AFF3: variants seen among roughly 807,000 people sequenced by gnomAD.
The protein encoded by AFF3 is ALF transcription elongation factor 3, also known as AF4/FMR2 family member 3.
A neutral mutation model predicts 129.7 loss-of-function variants in AFF3; 32 were observed. The observed-to-expected ratio is 0.25, with a 90% CI of 0.19 to 0.33. The LOEUF (loss-of-function observed/expected upper bound fraction) is 0.33. AFF3 is among the 10% of genes least tolerant of loss of function. The pLI, the probability that AFF3 is intolerant of heterozygous loss-of-function variation, is 1.00. For synonymous variants in AFF3, 644 were observed against 635.4 expected, an observed-to-expected ratio of 1.01 and a Z score of -0.20; for missense variants, 1,373 against 1,592.0, an observed-to-expected ratio of 0.86 and a Z score of 2.34.
rs1674602339 is a variant in AFF3 at position 99,937,256 on chromosome 2, T to A, written c.873+69376A>T. On this transcript the variant is annotated intron_variant, in intron 7 of 24. Coordinates refer to ENST00000672756, the MANE Select transcript of AFF3 (RefSeq NM_001386135.1). ...GCATTCTGGATTTTGGATTTTCAGA[T>A]TTGGGATGCTCAACCTGGATAAGAG... Among the ~76,000 whole-genome samples, 3 of 152,096 alleles carry A rather than the reference T, an allele frequency of 2.0e-5. 1 individual carries two copies. Among genetic ancestry groups the A allele is most frequent in the Non-Finnish European group, 4.4e-5 (3 of 68,020 alleles).
At chr2:100,138,257 G>A (rs1489646738) in intron 1 of AFF3, among the ~76,000 whole-genome samples, 4 of 152,204 alleles carry the variant, frequency 2.6e-5, no homozygotes, top group African/African-American at 7.2e-5. Flanking sequence ...GGGCAAGCAT[G>A]TGATCTAAAC....
chr2:99,716,448 G>C (rs1395409122), intron 11 of AFF3, among the ~76,000 whole-genome samples: 2 of 152,094 alleles, frequency 1.3e-5, no homozygotes, highest in Non-Finnish European at 2.9e-5. Context: ...CTTTCTACTG[G>C]TAAAACAGGA....
chr2:99,999,680 T>C (rs939069258), intron 7 of AFF3, among the ~76,000 whole-genome samples: 8 of 152,204 alleles, frequency 5.3e-5, no homozygotes, highest in Admixed American at 2.6e-4. Flanking sequence ...CTGAGGGCTA[T>C]GTGCCAGCCA....
chr2:99,883,141 C>G (rs1692846077), intron 7 of AFF3, among the ~76,000 whole-genome samples: 1 of 152,092 alleles, frequency 6.6e-6, no homozygotes, highest in African/African-American at 2.4e-5. Context: ...CAACATGCAA[C>G]CCAGGGAAGG....
intron 2 of AFF3, chr2:100,106,942 A>C: frequency 1.1e-5 from 11 of 985,464 alleles, no homozygotes; most frequent in Non-Finnish European, 1.3e-5. Context: ...TCTCCCAAAA[A>C]GCCATGTAGT....
intron 11 of AFF3, among the ~76,000 whole-genome samples, chr2:99,688,193 ATTATAAT>A (rs1039168876): frequency 1.3e-5 from 2 of 152,038 alleles, no homozygotes; most frequent in Admixed American, 6.6e-5. Flanking sequence ...CTTGCTTTGG[ATTATAAT>A]CCAATACTAG....
At chr2:99,853,776 C>G (rs1576191862) in intron 7 of AFF3, among the ~76,000 whole-genome samples, 1 of 152,206 alleles carries the variant, frequency 6.6e-6, no homozygotes, top group African/African-American at 2.4e-5. Context: ...GATGTTTGTG[C>G]TGACTTCTCA....
At chr2:100,133,997 A>AAT (rs1389090545) in intron 1 of AFF3, among the ~76,000 whole-genome samples, 3 of 152,128 alleles carry the variant, frequency 2.0e-5, no homozygotes, top group African/African-American at 7.2e-5. Flanking sequence ...TTTCAAAAGA[A>AAT]ATATATATCA....
intron 7 of AFF3, among the ~76,000 whole-genome samples, chr2:99,925,080 G>T (rs898685698): frequency 6.6e-6 from 1 of 151,880 alleles, no homozygotes; most frequent in African/African-American, 2.4e-5. Flanking sequence ...GTCTTACTAT[G>T]TTGCCTAGGA....
intron 8 of AFF3, among the ~76,000 whole-genome samples, chr2:99,758,385 G>C (rs920145287): frequency 6.6e-6 from 1 of 152,110 alleles, no homozygotes; most frequent in African/African-American, 2.4e-5. Context: ...TAGGAGTTGG[G>C]AGACCAGCTT....
rs181055028 is a variant in AFF3, at chr2:99,736,888, G to A, written c.1039+7216C>T. On this transcript the variant is annotated intron_variant, in intron 10 of 24. Transcript: ENST00000672756. ...GTCTCCCAAACTGCTGGGATTACAGGCGTGAGCCACCACGCCCGGCCTTTA... is the reference window on the plus strand; with the variant it reads ...GTCTCCCAAACTGCTGGGATTACAGACGTGAGCCACCACGCCCGGCCTTTA... Among the ~76,000 whole-genome samples, 493 of 152,224 alleles carry A rather than the reference G, an allele frequency of 3.2e-3. 3 individuals are homozygous for A. The highest frequency in any genetic ancestry group is 0.011 in the African/African-American group (477 of 41,508).
chr2:99,761,501 T>C (rs1682591218), intron 8 of AFF3, among the ~76,000 whole-genome samples: 1 of 152,210 alleles, frequency 6.6e-6, no homozygotes, highest in Non-Finnish European at 1.5e-5. Context: ...ACTCTTCTGA[T>C]GCCAGCTGCC....
chr2:100,140,230 G>A (rs998808234), intron 1 of AFF3, among the ~76,000 whole-genome samples: 1 of 152,162 alleles, frequency 6.6e-6, no homozygotes, highest in Admixed American at 6.5e-5. Flanking sequence ...GAAGATAAAA[G>A]TTATTTATGG....
At chr2:99,665,217 G>C (rs148129068) in intron 12 of AFF3, among the ~76,000 whole-genome samples, 1 of 152,362 alleles carries the variant, frequency 6.6e-6, no homozygotes, top group Non-Finnish European at 1.5e-5. Flanking sequence ...TAAGATTTTA[G>C]ACCAAGGAAT....
chr2:99,642,088 G>A (rs1375319785), intron 13 of AFF3, among the ~76,000 whole-genome samples: 1 of 152,196 alleles, frequency 6.6e-6, no homozygotes, highest in Non-Finnish European at 1.5e-5. Context: ...TGAATAGTTG[G>A]TGAAGACAGC....
chr2:99,953,941 C>A (rs114649603), intron 7 of AFF3, among the ~76,000 whole-genome samples: 2 of 152,144 alleles, frequency 1.3e-5, no homozygotes, highest in African/African-American at 4.8e-5. Flanking sequence ...CACCCATGCA[C>A]CTGAGTGAGT....
At chr2:99,821,403 GGAA>G (rs1372414679) in intron 8 of AFF3, among the ~76,000 whole-genome samples, 2 of 152,006 alleles carry the variant, frequency 1.3e-5, no homozygotes, top group African/African-American at 2.4e-5. Flanking sequence ...TGGGTATACT[GGAA>G]GAAGAACAAA....
chr2:99,553,095 C>G (rs1303008361), intron 24 of AFF3, among the ~76,000 whole-genome samples: 1 of 152,148 alleles, frequency 6.6e-6, no homozygotes, highest in African/African-American at 2.4e-5. Flanking sequence ...CACCACCACA[C>G]CCGGCTAATG....
At chr2:100,061,123 G>C (rs1474176970) in intron 4 of AFF3, among the ~76,000 whole-genome samples, 1 of 152,132 alleles carries the variant, frequency 6.6e-6, no homozygotes. Flanking sequence ...GATGTGAACT[G>C]ATCACTGGGA....
Sources: gnomAD v4.1 joint callset for allele counts (sites outside exome capture counted in the v4.1 genomes callset) on GRCh38, gnomAD v4.1.1 for gene constraint, MANE v1.5 for transcripts, NCBI Gene and HGNC (gene_info 2026-07-23, HGNC 2026-07-21) for gene names.